The following MALRD1 variants were observed in gnomAD, a reference collection of about 807,000 sequenced individuals.
The protein encoded by MALRD1 is MAM and LDL receptor class A domain containing 1.
Under a neutral mutation model 242.1 loss-of-function variants are expected in MALRD1, and 247 were observed. The ratio of observed to expected loss-of-function variants is 1.02; its 90% CI spans 0.92 to 1.13. MALRD1 has a LOEUF of 1.13. Ranked by LOEUF, MALRD1 falls within the 50% of genes most tolerant of loss-of-function variation. The pLI, the probability that MALRD1 is intolerant of heterozygous loss-of-function variation, is 0.00. For missense variants in MALRD1, 2,989 were observed against 2,533.1 expected, an observed-to-expected ratio of 1.18 and a Z score of -3.86; for synonymous variants, 995 against 866.6, an observed-to-expected ratio of 1.15 and a Z score of -2.60.
Position 19,112,845 on chromosome 10 carries a change from C to T in MALRD1, c.694+8770C>T, listed in dbSNP as rs114363236. Among the ~76,000 whole-genome samples the T allele has an allele frequency of 2.6e-3, 403 of 152,230 alleles. 1 individual carries two copies. Among genetic ancestry groups the T allele is most frequent in the African/African-American group, 9.3e-3 (387 of 41,520 alleles). On this transcript the variant is annotated intron_variant, in intron 5 of 39. Coordinates refer to ENST00000454679, the MANE Select transcript of MALRD1 (RefSeq NM_001142308.3). Reference sequence around the variant, plus strand: ...ATCAACAATGTTTAGAAGTAAACTCCAATTTTCTTTCAAAATCTGTTCCCT... The same window carrying T: ...ATCAACAATGTTTAGAAGTAAACTCTAATTTTCTTTCAAAATCTGTTCCCT...
chr10:19,136,713 C>T lies in MALRD1; in HGVS notation c.1343C>T (p.Ala448Val). ...CCTTGCACTAGTGGCCAGTGCATCG[C>T]CAAAGAATCTGTCTGTGACTCTCGG... ...EFPCTSGQCIAKESVCDSRQD... is the reference protein window; with the variant it reads ...EFPCTSGQCIVKESVCDSRQD... Residue 448 changes from alanine (A) to valine (V), a missense_variant, in exon 10 of 40, where the codon GCC (alanine) becomes GTC (valine). By Grantham distance (64) the Ala-to-Val change is moderately conservative. Coordinates refer to ENST00000454679, the MANE Select transcript of MALRD1 (RefSeq NM_001142308.3). 8.1e-7 allele frequency: 1 copy of T among 1,231,640 alleles called. No homozygotes were observed. The highest frequency in any genetic ancestry group is 4.1e-5 in the South Asian group (1 of 24,304). The allele number at this position is 1,231,640 out of a possible 1,614,324, so 76.3% of individuals were successfully genotyped here.
chr10:19,677,021 A>G (rs1190451574), intron 36 of MALRD1, among the ~76,000 whole-genome samples: 1 of 152,160 alleles, frequency 6.6e-6, no homozygotes, highest in Non-Finnish European at 1.5e-5. Context: ...GCTGCATAGT[A>G]TCCCATGGTG....
rs187241131 is a variant in MALRD1, at chr10:19,300,957, G to A, written c.3419+17776G>A. On this transcript the variant is annotated intron_variant, in intron 21 of 39. Transcript: ENST00000454679. Reference sequence around the variant, plus strand: ...ATGGGAGAAAATATTTGCAAACTCTGCATTGGCAAAGGCCTAACTTCCAGA... The same window carrying A: ...ATGGGAGAAAATATTTGCAAACTCTACATTGGCAAAGGCCTAACTTCCAGA... Among the ~76,000 whole-genome samples the A allele has an allele frequency of 2.8e-3, 428 of 152,080 alleles. 1 individual carries two copies. The highest frequency in any genetic ancestry group is 9.7e-3 in the African/African-American group (404 of 41,538).
intron 38 of MALRD1, among the ~76,000 whole-genome samples, chr10:19,712,223 G>A (rs1487237758): frequency 6.6e-6 from 1 of 152,168 alleles, no homozygotes; most frequent in African/African-American, 2.4e-5. Context: ...AAAACGGTGA[G>A]CAATTGACTA....
chr10:19,494,488 G>C (rs769573958), intron 30 of MALRD1, among the ~76,000 whole-genome samples: 8 of 152,092 alleles, frequency 5.3e-5, no homozygotes, highest in Non-Finnish European at 1.2e-4. Flanking sequence ...AAATACTATT[G>C]AGATTCAGGA....
chr10:19,454,405 GATAT>G lies in MALRD1; in HGVS notation c.5029+3939_5029+3942del, dbSNP rs141643131. Among the ~76,000 whole-genome samples, 49 of 80,520 alleles carry G rather than the reference GATAT, an allele frequency of 6.1e-4. 2 individuals carry two copies. Among genetic ancestry groups the G allele is most frequent in the Middle Eastern group, 7.2e-3 (1 of 138 alleles). The allele number at this position is 80,520 out of a possible 152,430, so 52.8% of individuals were successfully genotyped here. A position where few individuals can be genotyped will look rare whatever the true frequency, so the allele number is the denominator to read the frequency against. On this transcript the variant is annotated intron_variant, in intron 29 of 39. Transcript: ENST00000454679. ...ATGAGGAAAGGTAGATTATGCATAT[GATAT>G]ATATATATATATATATATATATAAT...
At chr10:19,679,788 T>C (rs548208859) in intron 36 of MALRD1, among the ~76,000 whole-genome samples, 4 of 152,168 alleles carry the variant, frequency 2.6e-5, no homozygotes, top group Non-Finnish European at 5.9e-5. Context: ...TGTGGGGATT[T>C]AGTGCTACAA....
intron 38 of MALRD1, among the ~76,000 whole-genome samples, chr10:19,699,967 A>G (rs1010965243): frequency 6.6e-6 from 1 of 151,738 alleles, no homozygotes; most frequent in African/African-American, 2.4e-5. Flanking sequence ...TTAATATATC[A>G]TAGTATATCA....
chr10:19,248,950 AATTATAT>A lies in MALRD1; in HGVS notation c.2992-8723_2992-8717del, dbSNP rs1839180856. On this transcript the variant is annotated intron_variant, in intron 18 of 39. Transcript: ENST00000454679. ...ATTTATATTATATATTTATAATATA[AATTATAT>A]ATTATATATTTTGTAATATAAATAT... 2.0e-5 allele frequency among the ~76,000 whole-genome samples: 3 copies of A among 146,724 alleles called. No individual in the cohort carries two copies. In the South Asian group the frequency reaches 6.3e-4, roughly 31 times the overall value.
At chr10:19,665,220 C>T (rs1183055124) in intron 36 of MALRD1, among the ~76,000 whole-genome samples, 1 of 152,044 alleles carries the variant, frequency 6.6e-6, no homozygotes, top group East Asian at 1.9e-4. Context: ...AAGAATAATA[C>T]ATTTACAGAG....
intron 7 of MALRD1, 64 bp downstream of exon 7, chr10:19,124,734 A>G (rs1837192642): frequency 1.7e-6 from 2 of 1,206,848 alleles, no homozygotes; most frequent in Non-Finnish European, 2.1e-6. Flanking sequence ...GTGACTAGTT[A>G]TAAGACATTA....
chr10:19,540,258 G>A (rs1258222372), intron 32 of MALRD1, among the ~76,000 whole-genome samples: 6 of 152,158 alleles, frequency 3.9e-5, no homozygotes, highest in Non-Finnish European at 5.9e-5. Flanking sequence ...ACATATAATC[G>A]TCAGAATAGG....
chr10:19,168,427 T>C (rs1834790302), intron 13 of MALRD1, among the ~76,000 whole-genome samples: 1 of 152,232 alleles, frequency 6.6e-6, no homozygotes, highest in Non-Finnish European at 1.5e-5. Flanking sequence ...TTGTCATTAA[T>C]TGACATATTG....
rs1564567225 is a variant in MALRD1, at chr10:19,719,201, T to TACACAC, written c.6315-11504_6315-11503insCACACA. Among the ~76,000 whole-genome samples, 36 of 95,870 alleles carry TACACAC rather than the reference T, an allele frequency of 3.8e-4. 2 individuals are homozygous for TACACAC. The highest frequency in any genetic ancestry group is 1.8e-3 in the African/African-American group (34 of 19,332). 62.9% of individuals were successfully genotyped at this position (95,870 alleles called of 152,430 possible). On this transcript the variant is annotated intron_variant, in intron 38 of 39. Transcript: ENST00000454679. ...ATATATATATATATACATACATATATATATATATATACACATACATACATA... is the reference window on the plus strand; with the variant it reads ...ATATATATATATATACATACATATATACACACATATATATATACACATACATACATA...
chr10:19,064,710 T>C (rs1406191698), intron 1 of MALRD1, among the ~76,000 whole-genome samples: 3 of 139,842 alleles, frequency 2.1e-5, no homozygotes, highest in Non-Finnish European at 4.5e-5. Flanking sequence ...GTGGAGGCTG[T>C]GGCAAGCCAA....
chr10:19,264,171 C>G (rs1198628333), intron 19 of MALRD1, among the ~76,000 whole-genome samples: 2 of 152,022 alleles, frequency 1.3e-5, no homozygotes, highest in Non-Finnish European at 2.9e-5. Context: ...AATGCCTTTT[C>G]TACATTTTTT....
chr10:19,543,600 A>C (rs1011786875), intron 32 of MALRD1, among the ~76,000 whole-genome samples: 8 of 151,826 alleles, frequency 5.3e-5, no homozygotes, highest in Admixed American at 4.6e-4. Context: ...TTATGTAGTT[A>C]TCTCTTCAAA....
intron 34 of MALRD1, among the ~76,000 whole-genome samples, chr10:19,605,340 A>T (rs1838559853): frequency 6.6e-6 from 1 of 150,974 alleles, no homozygotes; most frequent in East Asian, 2.0e-4. Context: ...TATTATTATT[A>T]TTATGTTAGT....
chr10:19,189,853 A>G (rs1835898013), intron 14 of MALRD1, among the ~76,000 whole-genome samples: 1 of 152,158 alleles, frequency 6.6e-6, no homozygotes, highest in Admixed American at 6.5e-5. Flanking sequence ...TCACAGCTAC[A>G]TTATACTCAT....
Sources: gnomAD v4.1 joint callset for allele counts (sites outside exome capture counted in the v4.1 genomes callset) on GRCh38, gnomAD v4.1.1 for gene constraint, MANE v1.5 for transcripts, NCBI Gene and HGNC (gene_info 2026-07-23, HGNC 2026-07-21) for gene names.